Variants in EXOC6B observed in about 807,000 individuals in gnomAD.
The protein encoded by EXOC6B is SEC15 homolog B.
EXOC6B carries 54 observed loss-of-function variants against 113.5 expected under a neutral mutation model. The ratio of observed to expected loss-of-function variants is 0.48; its 90% confidence interval spans 0.38 to 0.60. The LOEUF is 0.60. Among genes scored for constraint, EXOC6B ranks in the 20% least tolerant of loss-of-function variants. EXOC6B has a pLI of 0.00. For missense variants in EXOC6B, 797 were observed against 977.5 expected, an observed-to-expected ratio of 0.82 and a Z score of 2.46; for synonymous variants, 357 against 339.0, an observed-to-expected ratio of 1.05 and a Z score of -0.58.
chr2:72,693,447 C>G (rs762985954), intron 6 of EXOC6B, among the ~76,000 whole-genome samples: 1 of 152,162 alleles, frequency 6.6e-6, no homozygotes, highest in Non-Finnish European at 1.5e-5. Context: ...CCAGGATCTG[C>G]TGTGTATAGC....
At chr2:72,183,943 C>A (rs1055411951) in intron 21 of EXOC6B, 132 bp downstream of exon 21, 1 of 555,270 alleles carries the variant, frequency 1.8e-6, no homozygotes, top group Non-Finnish European at 3.3e-6. Flanking sequence ...GCTGACAGCA[C>A]CCAGGGCCTA....
intron 6 of EXOC6B, among the ~76,000 whole-genome samples, chr2:72,694,204 G>T (rs1677700646): frequency 6.6e-6 from 1 of 152,174 alleles, no homozygotes; most frequent in African/African-American, 2.4e-5. Flanking sequence ...CACTTTGGAA[G>T]AGGCATTCAC....
intron 19 of EXOC6B, among the ~76,000 whole-genome samples, chr2:72,369,726 A>T (rs942928662): frequency 6.6e-6 from 1 of 152,206 alleles, no homozygotes; most frequent in South Asian, 2.1e-4. Context: ...CAACTATCTG[A>T]TCTTTGACAA....
At chr2:72,209,927 T>G (rs1680081294) in intron 20 of EXOC6B, among the ~76,000 whole-genome samples, 1 of 152,206 alleles carries the variant, frequency 6.6e-6, no homozygotes, top group Admixed American at 6.5e-5. Flanking sequence ...TGGTCCTCAG[T>G]GATAAGATTT....
chr2:72,549,278 T>C (rs941595349), intron 8 of EXOC6B, among the ~76,000 whole-genome samples: 4 of 152,090 alleles, frequency 2.6e-5, no homozygotes, highest in African/African-American at 9.7e-5. Context: ...TATATCAGAT[T>C]TGTATGTTGA....
chr2:72,382,516 G>C (rs929147225), intron 18 of EXOC6B, among the ~76,000 whole-genome samples: 15 of 152,068 alleles, frequency 9.9e-5, no homozygotes, highest in African/African-American at 3.6e-4. Context: ...GCTATTCGGG[G>C]TCTTTTTTGG....
intron 20 of EXOC6B, among the ~76,000 whole-genome samples, chr2:72,224,898 GTATA>G (rs1158642075): frequency 6.7e-6 from 1 of 149,300 alleles, no homozygotes; most frequent in South Asian, 2.1e-4. Flanking sequence ...ATCTATGTGT[GTATA>G]TATATAGATG....
At chr2:72,594,659 G>A (rs1669952327) in intron 6 of EXOC6B, among the ~76,000 whole-genome samples, 2 of 152,116 alleles carry the variant, frequency 1.3e-5, no homozygotes, top group Non-Finnish European at 2.9e-5. Flanking sequence ...ATCATAACAA[G>A]AAGCTAAATG....
intron 20 of EXOC6B, among the ~76,000 whole-genome samples, chr2:72,216,092 G>A (rs774906785): frequency 6.6e-5 from 10 of 151,974 alleles, no homozygotes; most frequent in Non-Finnish European, 5.9e-5. Context: ...AACGATCACC[G>A]AGAATGGAAA....
At chr2:72,676,514 A>C (rs1177216810) in intron 6 of EXOC6B, among the ~76,000 whole-genome samples, 1 of 152,242 alleles carries the variant, frequency 6.6e-6, no homozygotes, top group East Asian at 1.9e-4. Flanking sequence ...AGAAAAAAAA[A>C]TACATCTTTT....
Position 72,733,079 on chromosome 2 carries a change from C to G in EXOC6B, c.319G>C (p.Gly107Arg), listed in dbSNP as rs1424511865. 2.5e-6 allele frequency: 4 copies of G among 1,591,446 alleles called. No individual in the cohort carries two copies. The highest frequency in any genetic ancestry group is 3.4e-6 in the Non-Finnish European group (4 of 1,166,650). The change falls in exon 3 of 22, where the codon GGA (glycine) becomes CGA (arginine). Residue 107 changes from glycine (G) to arginine (R), a missense_variant. Physicochemically the swap from Gly to Arg is moderately radical, Grantham distance 125 (BLOSUM62 -2). Transcript: ENST00000272427. ...TDTNRKLQHE[G>R]KELVIAMEEL... ...AGGTAAACTGGTCTTACTTCCTTTCCCTCATGTTGTAGTTTTCTATTAGTA... is the reference window on the plus strand; with the variant it reads ...AGGTAAACTGGTCTTACTTCCTTTCGCTCATGTTGTAGTTTTCTATTAGTA...
intron 3 of EXOC6B, among the ~76,000 whole-genome samples, chr2:72,732,335 G>A (rs1007603365): frequency 6.6e-6 from 1 of 151,522 alleles, no homozygotes; most frequent in Non-Finnish European, 1.5e-5. Flanking sequence ...TTTTGTTTTG[G>A]GGGGCAGGTA....
intron 11 of EXOC6B, among the ~76,000 whole-genome samples, chr2:72,510,540 A>G (rs1270316835): frequency 6.6e-6 from 1 of 151,632 alleles, no homozygotes; most frequent in Non-Finnish European, 1.5e-5. Context: ...ATGCAATATT[A>G]TATATATTAA....
chr2:72,396,087 G>C (rs1188158391), intron 18 of EXOC6B, among the ~76,000 whole-genome samples: 2 of 151,990 alleles, frequency 1.3e-5, no homozygotes, highest in Non-Finnish European at 2.9e-5. Flanking sequence ...CATACACCTA[G>C]AAATCCACTG....
intron 6 of EXOC6B, among the ~76,000 whole-genome samples, chr2:72,640,409 T>C (rs1205725668): frequency 2.0e-5 from 3 of 152,036 alleles, no homozygotes; most frequent in African/African-American, 7.2e-5. Context: ...CTGAAAGAGA[T>C]AGGGAGAAAG....
At position 72,580,469 on chromosome 2, in the gene EXOC6B, G is replaced by T. The variant is rs140033429; in HGVS notation, c.670-4801C>A. Among the ~76,000 whole-genome samples the T allele has an allele frequency of 5.2e-4, 79 of 152,088 alleles. 1 individual carries two copies. In the East Asian group the frequency reaches 0.015, roughly 28 times the overall value. On this transcript the variant is annotated intron_variant, in intron 6 of 21. Coordinates refer to ENST00000272427, the MANE Select transcript of EXOC6B (RefSeq NM_015189.3). ...GGAATCTTGTTTCACTATCTACTAT[G>T]GAAACATCTGAAACCCAGCAATATT...
At chr2:72,491,375 A>G (rs1699735444) in intron 16 of EXOC6B, among the ~76,000 whole-genome samples, 1 of 152,152 alleles carries the variant, frequency 6.6e-6, no homozygotes, top group Non-Finnish European at 1.5e-5. Flanking sequence ...GTCTTTACCT[A>G]TAGGTCAGTA....
chr2:72,209,890 T>G (rs1444440521), intron 20 of EXOC6B, among the ~76,000 whole-genome samples: 2 of 152,238 alleles, frequency 1.3e-5, no homozygotes, highest in African/African-American at 4.8e-5. Context: ...AGGCAGACTC[T>G]TTCTTAAAAT....
chr2:72,459,501 G>C (rs1159076385), intron 18 of EXOC6B, among the ~76,000 whole-genome samples: 1 of 152,160 alleles, frequency 6.6e-6, no homozygotes, highest in Non-Finnish European at 1.5e-5. Context: ...AGCAACTTCA[G>C]CAAAGTCTCA....
Sources: allele counts gnomAD v4.1 joint callset (sites outside exome capture counted in the v4.1 genomes callset), GRCh38; gene constraint gnomAD v4.1.1; transcripts MANE v1.5; gene names NCBI Gene and HGNC (gene_info 2026-07-23, HGNC 2026-07-21).